The following CCDC59 variants were observed in gnomAD, a reference collection of about 807,000 sequenced individuals.
CCDC59 encodes thyroid transcription factor 1-associated protein 26.
CCDC59 carries 27 observed loss-of-function variants against 30.5 expected under a neutral mutation model. The observed-to-expected ratio is 0.89, with a 90% CI of 0.65 to 1.22. CCDC59 has a LOEUF of 1.22. Ranked by LOEUF, CCDC59 falls within the 50% of genes most tolerant of loss-of-function variation. The probability of loss-of-function intolerance (pLI) is 0.00; values close to 1 mark genes in which losing one functional copy is unlikely to be tolerated. For missense variants in CCDC59, 362 were observed against 284.4 expected, an observed-to-expected ratio of 1.27 and a Z score of -1.96; for synonymous variants, 125 against 100.9, an observed-to-expected ratio of 1.24 and a Z score of -1.43.
intron 2 of CCDC59, 174 bp from the exon 3 acceptor site, chr12:82,354,768 G>T: frequency 1.8e-5 from 8 of 449,644 alleles, no homozygotes; most frequent in Non-Finnish European, 2.9e-5. Context: ...ATCCTAAAAT[G>T]TTAAAAAAAA....
Position 82,356,947 on chromosome 12 carries a change from AG to A in CCDC59, c.464+12del, listed in dbSNP as rs1881055409. ...ACAACACTTAAAGGATTTCAAATGA[AG>A]AAAATACATACTTTACTGTTTTAAT... On this transcript the variant is annotated intron_variant, in intron 2 of 3. Transcript: ENST00000256151. The A allele has an allele frequency of 6.3e-7, 1 of 1,579,284 alleles. No homozygotes were observed. Among genetic ancestry groups the A allele is most frequent in the African/African-American group, 1.4e-5 (1 of 73,908 alleles).
At position 82,353,091 on chromosome 12, in the gene CCDC59, G is replaced by T; in HGVS notation, c.*60C>A. ...GACAAATTTAGTTCACTGCTGGGAG[G>T]CACATGTCACAGAAGAACCTAATAG... On this transcript the variant is annotated 3_prime_UTR_variant, in exon 4 of 4. Coordinates refer to ENST00000256151, the MANE Select transcript of CCDC59 (RefSeq NM_014167.5). 7.4e-7 allele frequency: 1 copy of T among 1,348,750 alleles called. No individual in the cohort carries two copies. The highest frequency in any genetic ancestry group is 1.0e-6 in the Non-Finnish European group (1 of 982,836). The allele number at this position is 1,348,750 out of a possible 1,614,324, so 83.5% of individuals were successfully genotyped here. A position where few individuals can be genotyped will look rare whatever the true frequency, so the allele number is the denominator to read the frequency against.
intron 3 of CCDC59, among the ~76,000 whole-genome samples, chr12:82,354,261 A>G (rs1370797233): frequency 6.6e-6 from 1 of 152,168 alleles, no homozygotes; most frequent in Non-Finnish European, 1.5e-5. Flanking sequence ...ATATTGACCT[A>G]TAAACAATGT....
intron 1 of CCDC59, 137 bp from the exon 2 acceptor site, chr12:82,357,406 T>G (rs1007782361): frequency 5.5e-6 from 4 of 723,842 alleles, no homozygotes; most frequent in Non-Finnish European, 8.9e-6. Flanking sequence ...TTTAAAAAAT[T>G]ATTTCAAGCA....
chr12:82,357,344 A>C, intron 1 of CCDC59, 75 bp from the exon 2 acceptor site: 1 of 1,270,846 alleles, frequency 7.9e-7, no homozygotes, highest in Non-Finnish European at 1.1e-6. Flanking sequence ...GTTAATTACA[A>C]ATGAAAACTT....
At chr12:82,358,682 G>A, upstream of CCDC59, 1 of 1,614,186 alleles carries the variant, frequency 6.2e-7, no homozygotes. Context: ...CACATACCGT[G>A]GATTTCTACA....
At chr12:82,358,542 C>T (rs1881261909), upstream of CCDC59, 1 of 1,605,012 alleles carries the variant, frequency 6.2e-7, no homozygotes, top group East Asian at 2.2e-5. Flanking sequence ...TTTGCGCCAC[C>T]TACAGCCTCG....
chr12:82,356,127 T>TA (rs974879113), intron 2 of CCDC59: 2 of 152,206 alleles, frequency 1.3e-5, no homozygotes, highest in African/African-American at 2.4e-5. Flanking sequence ...CTCACGACTT[T>TA]AAAAGATACG....
chr12:82,358,406 C>A, upstream of CCDC59: 1 of 1,610,786 alleles, frequency 6.2e-7, no homozygotes, highest in Admixed American at 1.7e-5. Flanking sequence ...CATCAGAAGA[C>A]CACGACGGAC....
In CCDC59 at chr12:82,353,295, T is replaced by C. The variant is rs1880884967; in HGVS notation, c.582A>G (p.Lys194=). ...GCCTTTGGGCTTCTTCTCTCTCCTG[T>C]TTTCTCCTCTCGAATTCCTAAAATT... is the stretch of plus-strand genomic sequence containing the variant. ...AAKKQEFERR[K]QEREEAQRQY... The change falls in exon 4 of 4, where the codon AAA becomes AAG. Residue 194 remains lysine, a synonymous_variant. Transcript: ENST00000256151. The C allele has an allele frequency of 6.2e-7, 1 of 1,601,688 alleles. No homozygotes were observed. The highest frequency in any genetic ancestry group is 1.8e-5 in the Admixed American group (1 of 56,666).
intron 3 of CCDC59, among the ~76,000 whole-genome samples, chr12:82,353,630 A>C (rs534265984): frequency 1.7e-4 from 26 of 152,270 alleles, no homozygotes; most frequent in Non-Finnish European, 3.2e-4. Flanking sequence ...AAGGTGACAG[A>C]TGGTTGGAAA....
chr12:82,358,322 C>G lies in CCDC59; in HGVS notation c.55G>C (p.Gly19Arg). 1.2e-6 allele frequency: 2 copies of G among 1,614,144 alleles called. No individual in the cohort carries two copies. Among genetic ancestry groups the G allele is most frequent in the Non-Finnish European group, 1.7e-6 (2 of 1,180,038 alleles). ...TACCCGACAGTGGAAACCCCTTCACCACGCGCCTCAATACCACCAGGCCGC... is the reference window on the plus strand; with the variant it reads ...TACCCGACAGTGGAAACCCCTTCACGACGCGCCTCAATACCACCAGGCCGC... ...KWRPGGIEARGEGVSTVGYRN... is the reference protein window; with the variant it reads ...KWRPGGIEARREGVSTVGYRN... Residue 19 changes from glycine to arginine, a missense_variant, in exon 1 of 4, where the codon GGT becomes CGT. Coordinates refer to ENST00000256151, the MANE Select transcript of CCDC59 (RefSeq NM_014167.5).
chr12:82,358,469 G>C, upstream of CCDC59: 13 of 1,600,344 alleles, frequency 8.1e-6, no homozygotes, highest in Non-Finnish European at 1.1e-5. Flanking sequence ...GAAGGAATCC[G>C]GCTCGGAGCT....
rs1309859751 is a variant in CCDC59, at chr12:82,357,037, G to A, written c.387C>T (p.Ser129=). Residue 129 remains serine (S), a synonymous_variant, in exon 2 of 4, where the codon AGC becomes AGT. Coordinates refer to ENST00000256151, the MANE Select transcript of CCDC59 (RefSeq NM_014167.5). ...VHQPLLEEQC[S]IDEPLFEDQC... ...GATCTTCAAATAAAGGCTCGTCAAT[G>A]CTACACTGTTCTTCAAGCAACGGCT... 1.2e-6 allele frequency: 2 copies of A among 1,614,070 alleles called. No individual in the cohort carries two copies. Among genetic ancestry groups the A allele is most frequent in the East Asian group, 2.2e-5 (1 of 44,888 alleles).
chr12:82,357,009 A>C lies in CCDC59; in HGVS notation c.415T>G (p.Cys139Gly). The change falls in exon 2 of 4, where the codon TGT (cysteine) becomes GGT (glycine). Residue 139 changes from cysteine (C) to glycine (G), a missense_variant. Coordinates refer to ENST00000256151, the MANE Select transcript of CCDC59 (RefSeq NM_014167.5). ...TCTGGCTGAGGCTGGTCAAAGCTAC[A>C]CTGATCTTCAAATAAAGGCTCGTCA... is the stretch of plus-strand genomic sequence containing the variant. ...SIDEPLFEDQCSFDQPQPEEQ... is the reference protein window; with the variant it reads ...SIDEPLFEDQGSFDQPQPEEQ... The C allele has an allele frequency of 6.2e-7, 1 of 1,614,196 alleles. No homozygotes were observed. Among genetic ancestry groups the C allele is most frequent in the Non-Finnish European group, 8.5e-7 (1 of 1,180,018 alleles).
At chr12:82,358,551 C>T, upstream of CCDC59, 2 of 1,607,732 alleles carry the variant, frequency 1.2e-6, no homozygotes, top group Non-Finnish European at 1.7e-6. Flanking sequence ...CCTACAGCCT[C>T]GGAGGGTGAG....
At chr12:82,353,715 C>T (rs1319494857) in intron 3 of CCDC59, among the ~76,000 whole-genome samples, 1 of 152,066 alleles carries the variant, frequency 6.6e-6, no homozygotes, top group Admixed American at 6.5e-5. Context: ...CCTAATCTGC[C>T]ACCAGCTTAA....
Position 82,357,215 on chromosome 12 carries a change from A to C in CCDC59, c.209T>G (p.Leu70Trp). ...KLKIQQSYKK[L>W]LRKEKKAQTS... ...TTGAGCCTTCTTTTCCTTCCGTAGC[A>C]ATTTCTTGTAACTTTGCTGTATTTT... Residue 70 changes from leucine to tryptophan, a missense_variant, in exon 2 of 4, where the codon TTG becomes TGG. Coordinates refer to ENST00000256151, the MANE Select transcript of CCDC59 (RefSeq NM_014167.5). 6.2e-7 allele frequency: 1 copy of C among 1,614,148 alleles called. No individual in the cohort carries two copies. The highest frequency in any genetic ancestry group is 8.5e-7 in the Non-Finnish European group (1 of 1,179,998).
At position 82,358,293 on chromosome 12, in the gene CCDC59, C is replaced by G; in HGVS notation, c.84G>C (p.Arg28Ser). Residue 28 changes from arginine to serine, a missense_variant, in exon 1 of 4, where the codon AGG becomes AGC. By Grantham distance (110) the Arg-to-Ser change is moderately radical. Coordinates refer to ENST00000256151, the MANE Select transcript of CCDC59 (RefSeq NM_014167.5). Reference sequence around the variant, plus strand: ...ATGTCTTCTGTCTCACATTCTTATTCCTGTACCCGACAGTGGAAACCCCTT... The same window carrying G: ...ATGTCTTCTGTCTCACATTCTTATTGCTGTACCCGACAGTGGAAACCCCTT... ...RGEGVSTVGY[R>S]NKNVRQKTWR... is the part of the protein sequence containing the mutation. The G allele has an allele frequency of 1.9e-6, 3 of 1,614,212 alleles. No homozygotes were observed. The highest frequency in any genetic ancestry group is 2.7e-5 in the African/African-American group (2 of 75,072).
Sources: gnomAD v4.1 joint callset for allele counts (sites outside exome capture counted in the v4.1 genomes callset) on GRCh38, gnomAD v4.1.1 for gene constraint, MANE v1.5 for transcripts, NCBI Gene and HGNC (gene_info 2026-07-23, HGNC 2026-07-21) for gene names.